Variants in SLC30A8 observed in about 807,000 individuals in gnomAD.
The protein encoded by SLC30A8 is solute carrier family 30 member 8, also known as proton-coupled zinc antiporter SLC30A8.
Under a neutral mutation model 36.9 loss-of-function variants are expected in SLC30A8, and 27 were observed. That is an observed-to-expected ratio of 0.73 (90% CI 0.54 to 1.01). The LOEUF (loss-of-function observed/expected upper bound fraction) is 1.01. Among genes scored for constraint, SLC30A8 ranks in the 50% least tolerant of loss-of-function variants. SLC30A8 has a pLI of 0.00. For synonymous variants in SLC30A8, 164 were observed against 172.4 expected (o/e 0.95, Z 0.38); for missense variants, 439 against 452.0 (o/e 0.97, Z 0.26).
At chr8:117,153,142 C>T (rs758370845) in intron 3 of SLC30A8, 52 bp downstream of exon 3, 1 of 1,474,878 alleles carries the variant, frequency 6.8e-7, no homozygotes, top group Non-Finnish European at 9.1e-7. Flanking sequence ...CAAAGTCAAA[C>T]CAAGGGTAAA....
chr8:117,021,934 C>T (rs1166953776), intron 1 of SLC30A8, among the ~76,000 whole-genome samples: 1 of 151,622 alleles, frequency 6.6e-6, no homozygotes, highest in Admixed American at 6.6e-5. Context: ...AGAATGATAT[C>T]AGGTCAATTG....
At chr8:117,057,405 T>C (rs1817906129) in intron 2 of SLC30A8, among the ~76,000 whole-genome samples, 2 of 152,108 alleles carry the variant, frequency 1.3e-5, no homozygotes, top group Non-Finnish European at 2.9e-5. Flanking sequence ...CCTACTACAA[T>C]TGAAATAACA....
chr8:116,980,452 A>G (rs1815213534), intron 1 of SLC30A8, among the ~76,000 whole-genome samples: 1 of 152,190 alleles, frequency 6.6e-6, no homozygotes, highest in African/African-American at 2.4e-5. Flanking sequence ...GTTCTGGAGC[A>G]GAAATCACAC....
intron 2 of SLC30A8, among the ~76,000 whole-genome samples, chr8:117,099,555 A>G (rs1181741907): frequency 6.6e-6 from 1 of 152,208 alleles, no homozygotes; most frequent in East Asian, 1.9e-4. Flanking sequence ...GTCAACCAAA[A>G]AGAAAGAAAA....
At chr8:116,987,362 AG>A (rs1815480924) in intron 1 of SLC30A8, among the ~76,000 whole-genome samples, 1 of 152,088 alleles carries the variant, frequency 6.6e-6, no homozygotes, top group Non-Finnish European at 1.5e-5. Context: ...TAATGGATGC[AG>A]CACACCAACA....
chr8:117,025,622 A>T (rs1816849724), intron 1 of SLC30A8, among the ~76,000 whole-genome samples: 1 of 152,194 alleles, frequency 6.6e-6, no homozygotes. Flanking sequence ...AGTTCCATTC[A>T]TATTCTCTTT....
chr8:117,084,758 A>C (rs1818808274), intron 2 of SLC30A8, among the ~76,000 whole-genome samples: 1 of 152,196 alleles, frequency 6.6e-6, no homozygotes, highest in South Asian at 2.1e-4. Flanking sequence ...AAAGACTTAC[A>C]ACTAGTTTCT....
At chr8:117,109,224 G>A (rs931821) in intron 2 of SLC30A8, among the ~76,000 whole-genome samples, 5,159 of 152,218 alleles carry the variant, frequency 0.034, 214 homozygotes, top group African/African-American at 0.091. Context: ...GGACAGCCCC[G>A]TGTAAAAGTT....
intron 2 of SLC30A8, among the ~76,000 whole-genome samples, chr8:117,061,111 A>G (rs1297302639): frequency 2.6e-5 from 4 of 152,240 alleles, no homozygotes; most frequent in South Asian, 2.1e-4. Context: ...ATGGAAGAGT[A>G]TAAATTGATG....
At chr8:117,098,359 G>A (rs535403143) in intron 2 of SLC30A8, among the ~76,000 whole-genome samples, 1 of 152,134 alleles carries the variant, frequency 6.6e-6, no homozygotes, top group South Asian at 2.1e-4. Context: ...CCTTTGTCCT[G>A]CTCTTAGTGG....
chr8:117,150,731 G>A (rs1411659947), intron 2 of SLC30A8, among the ~76,000 whole-genome samples: 10 of 151,904 alleles, frequency 6.6e-5, no homozygotes, highest in Non-Finnish European at 5.9e-5. Context: ...TCAGCCTCCC[G>A]AGTAGCTGGG....
Position 117,072,001 on chromosome 8 carries a change from G to A in SLC30A8, c.-226+32743G>A, listed in dbSNP as rs145722360. ...GCCTAACTCTTACAGACTGTATTTT[G>A]CAAGCTTCCTCATCAGGAGCTTCCT... On this transcript the variant is annotated intron_variant, in intron 2 of 10. Transcript: ENST00000427715. 3.4e-3 allele frequency among the ~76,000 whole-genome samples: 524 copies of A among 152,142 alleles called. 7 individuals carry two copies. The highest frequency in any genetic ancestry group is 0.012 in the African/African-American group (500 of 41,482).
intron 2 of SLC30A8, among the ~76,000 whole-genome samples, chr8:117,060,607 A>C (rs1437604395): frequency 6.6e-6 from 1 of 152,182 alleles, no homozygotes; most frequent in African/African-American, 2.4e-5. Context: ...TGTTCTCCCA[A>C]TGTGCTCTAT....
At chr8:117,038,761 T>C (rs1026561538) in intron 1 of SLC30A8, among the ~76,000 whole-genome samples, 8 of 152,358 alleles carry the variant, frequency 5.3e-5, no homozygotes, top group African/African-American at 1.9e-4. Flanking sequence ...CTCCACACTT[T>C]GGCCAATCTG....
chr8:117,067,096 A>G (rs765574339), intron 2 of SLC30A8, among the ~76,000 whole-genome samples: 3 of 152,080 alleles, frequency 2.0e-5, no homozygotes, highest in African/African-American at 7.2e-5. Flanking sequence ...GTAAAGGGGG[A>G]AAAACCCCTT....
intron 2 of SLC30A8, among the ~76,000 whole-genome samples, chr8:117,098,046 A>C (rs28719977): frequency 0.016 from 2,209 of 136,724 alleles, 61 homozygotes; most frequent in African/African-American, 0.057. Flanking sequence ...AAATATAATT[A>C]TATATAATTA....
intron 6 of SLC30A8, among the ~76,000 whole-genome samples, chr8:117,167,497 AC>A (rs1471214265): frequency 7.1e-6 from 1 of 140,230 alleles, no homozygotes; most frequent in African/African-American, 3.0e-5. Flanking sequence ...ATATATACAT[AC>A]ATACATGTAT....
intron 1 of SLC30A8, among the ~76,000 whole-genome samples, chr8:116,954,898 G>A (rs1056245328): frequency 2.6e-5 from 4 of 152,014 alleles, no homozygotes; most frequent in Admixed American, 1.3e-4. Context: ...GAAAGTGAGA[G>A]GGAAGGGTCT....
At position 117,176,292 on chromosome 8, in the gene SLC30A8, A is replaced by C. The variant is rs1286270385; in HGVS notation, c.*3611A>C. The C allele has an allele frequency of 1.3e-5, 2 of 152,354 alleles. No individual in the cohort carries two copies. Among genetic ancestry groups the C allele is most frequent in the African/African-American group, 2.4e-5 (1 of 41,384 alleles). 9.4% of individuals were successfully genotyped at this position (152,354 alleles called of 1,614,324 possible). On this transcript the variant is annotated 3_prime_UTR_variant, in exon 8 of 8. Transcript: ENST00000456015. ...AATGTTGCTCTCCAGCTCCATCCCC[A>C]CCCAATGAAATATGATCCAGAGAGT...
Sources: gnomAD v4.1 joint callset for allele counts (sites outside exome capture counted in the v4.1 genomes callset) on GRCh38, gnomAD v4.1.1 for gene constraint, MANE v1.5 for transcripts, NCBI Gene and HGNC (gene_info 2026-07-23, HGNC 2026-07-21) for gene names.